The following EML6 variants were observed in gnomAD, a reference collection of about 807,000 sequenced individuals.
EML6 encodes the protein echinoderm microtubule-associated protein-like 6.
In EML6, 154 loss-of-function variants were observed where a neutral mutation model predicts 240.1. The observed-to-expected ratio is 0.64, with a 90% CI of 0.56 to 0.73. EML6 has a LOEUF of 0.73. Among genes scored for constraint, EML6 ranks in the 30% least tolerant of loss-of-function variants. The pLI is 0.00. For synonymous variants in EML6, 1,148 were observed against 899.0 expected (o/e 1.28, Z -4.95); for missense variants, 2,964 against 2,474.6 (o/e 1.20, Z -4.20).
intron 2 of EML6, among the ~76,000 whole-genome samples, chr2:54,772,656 G>A (rs559804163): frequency 2.0e-5 from 3 of 152,262 alleles, no homozygotes; most frequent in South Asian, 2.1e-4. Context: ...GCAGCTCTGC[G>A]GTGTAGTTAA....
At chr2:54,945,624 T>G (rs1675659588) in intron 28 of EML6, among the ~76,000 whole-genome samples, 2 of 152,096 alleles carry the variant, frequency 1.3e-5, no homozygotes, top group African/African-American at 2.4e-5. Context: ...CCTCAGTGGT[T>G]TCAGAAGCTT....
chr2:54,798,075 G>A (rs1669917383), intron 2 of EML6, among the ~76,000 whole-genome samples: 1 of 152,164 alleles, frequency 6.6e-6, no homozygotes, highest in East Asian at 1.9e-4. Context: ...GAAGCAATTT[G>A]AGGAGGTTTG....
At position 54,853,734 on chromosome 2, in the gene EML6, G is replaced by C. The variant is rs746979297; in HGVS notation, c.1536G>C (p.Trp512Cys). 6.4e-7 allele frequency: 1 copy of C among 1,551,564 alleles called. No individual in the cohort carries two copies. The change falls in exon 11 of 42, where the codon TGG becomes TGC. Residue 512 changes from tryptophan (W) to cysteine (C), a missense_variant. Trp to Cys is a radical substitution (Grantham distance 215). Transcript: ENST00000356458. ...CVKGPEVSGIWPKYTEVTDIN... is the reference protein window; with the variant it reads ...CVKGPEVSGICPKYTEVTDIN... ...AAGGCCCTGAAGTGAGTGGAATTTG[G>C]CCCAAATACACTGAGGTTACTGACA...
chr2:54,824,401 A>T (rs1339151734), intron 5 of EML6, among the ~76,000 whole-genome samples: 1 of 152,200 alleles, frequency 6.6e-6, no homozygotes, highest in Admixed American at 6.5e-5. Flanking sequence ...TAATACATTT[A>T]AGCGGACTTC....
intron 12 of EML6, among the ~76,000 whole-genome samples, chr2:54,861,003 C>T (rs922541767): frequency 1.3e-5 from 2 of 152,212 alleles, no homozygotes; most frequent in Non-Finnish European, 2.9e-5. Context: ...GTGACATCCC[C>T]TTGGAGCAGT....
intron 2 of EML6, among the ~76,000 whole-genome samples, chr2:54,740,992 A>AT (rs1207557215): frequency 1.3e-5 from 2 of 152,144 alleles, no homozygotes; most frequent in African/African-American, 2.4e-5. Context: ...AACAACTTGG[A>AT]TTTTTTTATA....
rs368024477 is a variant in EML6, at chr2:54,800,297, C to T, written c.198-12935C>T. Among the ~76,000 whole-genome samples the T allele has an allele frequency of 1.7e-3, 264 of 152,206 alleles. 1 individual carries two copies. The highest frequency in any genetic ancestry group is 3.5e-3 in the South Asian group (17 of 4,826). On this transcript the variant is annotated intron_variant, in intron 2 of 41. Transcript: ENST00000356458. ...GATTGAATGAGGTCCCTTAAAGGGT[C>T]AAATAGCTCAGATGTAGATGTTAAA...
chr2:54,825,119 T>A (rs1668525216), intron 5 of EML6, among the ~76,000 whole-genome samples: 1 of 152,214 alleles, frequency 6.6e-6, no homozygotes, highest in Non-Finnish European at 1.5e-5. Flanking sequence ...TTTTTGTGAC[T>A]GTCTGTCTGG....
intron 8 of EML6, 141 bp downstream of exon 8, chr2:54,844,389 T>G (rs985754485): frequency 3.0e-6 from 2 of 664,394 alleles, no homozygotes; most frequent in African/African-American, 3.6e-5. Flanking sequence ...GCTCATCAAG[T>G]GGGTTTTTGG....
intron 16 of EML6, among the ~76,000 whole-genome samples, chr2:54,878,080 C>T (rs1449088813): frequency 1.3e-5 from 2 of 152,126 alleles, no homozygotes. Context: ...TAAGTGTATT[C>T]CATGCAAAAT....
intron 2 of EML6, among the ~76,000 whole-genome samples, chr2:54,763,590 TG>T (rs1668064346): frequency 6.6e-6 from 1 of 152,178 alleles, no homozygotes; most frequent in African/African-American, 2.4e-5. Flanking sequence ...GGTGCATTTG[TG>T]TGGTTTTTGG....
At chr2:54,909,316 G>C (rs556284704) in intron 24 of EML6, among the ~76,000 whole-genome samples, 227 of 152,188 alleles carry the variant, frequency 1.5e-3, no homozygotes, top group Non-Finnish European at 2.7e-3. Context: ...ATTCTAAATA[G>C]TCAAAGATAA....
chr2:54,834,494 T>G (rs1468789518), intron 7 of EML6, among the ~76,000 whole-genome samples: 1 of 152,220 alleles, frequency 6.6e-6, no homozygotes, highest in Non-Finnish European at 1.5e-5. Context: ...TATTATTTAC[T>G]TATTTGTCCA....
intron 2 of EML6, among the ~76,000 whole-genome samples, chr2:54,764,720 G>C (rs962522062): frequency 1.3e-5 from 2 of 152,192 alleles, no homozygotes; most frequent in Admixed American, 1.3e-4. Context: ...GTTAAATACT[G>C]TTCTGCCTAG....
intron 2 of EML6, among the ~76,000 whole-genome samples, chr2:54,804,845 T>G (rs1188389231): frequency 6.6e-6 from 1 of 152,232 alleles, no homozygotes; most frequent in Non-Finnish European, 1.5e-5. Context: ...CTTATTTTCT[T>G]TAGACATGTT....
At chr2:54,884,916 A>G (rs961492420) in intron 17 of EML6, among the ~76,000 whole-genome samples, 1 of 152,134 alleles carries the variant, frequency 6.6e-6, no homozygotes, top group Admixed American at 6.6e-5. Flanking sequence ...GCTCATGCCT[A>G]TAATCCCAGC....
At chr2:54,886,852 A>C (rs1672173171) in intron 17 of EML6, among the ~76,000 whole-genome samples, 1 of 152,222 alleles carries the variant, frequency 6.6e-6, no homozygotes, top group African/African-American at 2.4e-5. Context: ...TCAAGTTTTT[A>C]GGCAAGAATG....
intron 24 of EML6, among the ~76,000 whole-genome samples, 173 bp from the exon 25 acceptor site, chr2:54,910,781 G>C (rs530110488): frequency 6.6e-6 from 1 of 152,310 alleles, no homozygotes; most frequent in East Asian, 1.9e-4. Flanking sequence ...TTTGGGGTTT[G>C]TACCACATCA....
chr2:54,781,097 T>C (rs1388436661), intron 2 of EML6, among the ~76,000 whole-genome samples: 1 of 152,240 alleles, frequency 6.6e-6, no homozygotes, highest in Non-Finnish European at 1.5e-5. Flanking sequence ...CCTGCATTGC[T>C]CTGAGCACTT....
Sources: gnomAD v4.1 joint callset for allele counts (sites outside exome capture counted in the v4.1 genomes callset) on GRCh38, gnomAD v4.1.1 for gene constraint, MANE v1.5 for transcripts, NCBI Gene and HGNC (gene_info 2026-07-23, HGNC 2026-07-21) for gene names.